Variants in VWA8 observed in about 807,000 individuals in gnomAD.
The protein encoded by VWA8 is von Willebrand factor A domain-containing protein 8.
A neutral mutation model predicts 241.5 loss-of-function variants in VWA8; 221 were observed. The ratio of observed to expected loss-of-function variants is 0.91; its 90% confidence interval spans 0.82 to 1.02. VWA8 has a LOEUF of 1.02. Among genes scored for constraint, VWA8 ranks in the 50% least tolerant of loss-of-function variants. The pLI is 0.00. For missense variants in VWA8, 2,322 were observed against 2,328.7 expected (o/e 1.00, Z 0.06); for synonymous variants, 852 against 827.1 (o/e 1.03, Z -0.52).
chr13:41,693,162 GCTT>G (rs776414137), intron 29 of VWA8, among the ~76,000 whole-genome samples, 190 bp from the exon 30 acceptor site: 19 of 151,832 alleles, frequency 1.3e-4, no homozygotes, highest in Non-Finnish European at 2.7e-4. Flanking sequence ...AGAATTAAGT[GCTT>G]CTTAATTTAA....
intron 26 of VWA8, among the ~76,000 whole-genome samples, chr13:41,705,810 T>A (rs941288685): frequency 6.6e-6 from 1 of 152,164 alleles, no homozygotes; most frequent in Admixed American, 6.5e-5. Context: ...CTGGTAAGTT[T>A]TATAGTCTTG....
At chr13:41,952,905 T>C (rs1482309829) in intron 1 of VWA8, among the ~76,000 whole-genome samples, 1 of 152,006 alleles carries the variant, frequency 6.6e-6, no homozygotes, top group African/African-American at 2.4e-5. Flanking sequence ...GGACTAGCAA[T>C]AACAGAAAGT....
At position 41,952,309 on chromosome 13, in the gene VWA8, T is replaced by C. The variant is rs571053967; in HGVS notation, c.164-2296A>G. 3.9e-5 allele frequency among the ~76,000 whole-genome samples: 6 copies of C among 152,344 alleles called. No individual in the cohort carries two copies. In the East Asian group the frequency reaches 9.6e-4, roughly 24 times the overall value. ...AACAGGTGGTCAGCAGTGCCTCATA[T>C]AGTACAATCTTAGTTACTGCCAGGT... On this transcript the variant is annotated intron_variant, in intron 1 of 44. Transcript: ENST00000379310.
At chr13:41,861,064 A>G (rs2138042792) in intron 12 of VWA8, among the ~76,000 whole-genome samples, 1 of 152,228 alleles carries the variant, frequency 6.6e-6, no homozygotes, top group East Asian at 1.9e-4. Flanking sequence ...GACCTTCTCC[A>G]TATGATTTCA....
intron 34 of VWA8, among the ~76,000 whole-genome samples, chr13:41,687,896 T>C (rs1055539326): frequency 6.6e-6 from 1 of 152,132 alleles, no homozygotes; most frequent in Non-Finnish European, 1.5e-5. Context: ...ACAAGGTTAA[T>C]AGAAACAGTG....
At chr13:41,672,850 G>C (rs1280213657) in intron 36 of VWA8, among the ~76,000 whole-genome samples, 1 of 152,008 alleles carries the variant, frequency 6.6e-6, no homozygotes, top group Non-Finnish European at 1.5e-5. Flanking sequence ...TGGAGTAAGG[G>C]GCTATTCAAG....
At chr13:41,805,485 T>C (rs1388494491) in intron 17 of VWA8, among the ~76,000 whole-genome samples, 3 of 152,050 alleles carry the variant, frequency 2.0e-5, no homozygotes, top group African/African-American at 2.4e-5. Flanking sequence ...GACTTCAACA[T>C]TGGACAGATC....
At chr13:41,774,451 A>G (rs1405646388) in intron 20 of VWA8, among the ~76,000 whole-genome samples, 1 of 152,184 alleles carries the variant, frequency 6.6e-6, no homozygotes, top group African/African-American at 2.4e-5. Context: ...CCAGGAATTT[A>G]TTTCAGATAG....
chr13:41,803,187 C>G (rs1048452302), intron 17 of VWA8, among the ~76,000 whole-genome samples: 7 of 152,186 alleles, frequency 4.6e-5, no homozygotes, highest in African/African-American at 1.7e-4. Flanking sequence ...ACTTGGAAAT[C>G]TTTCCCAAGA....
chr13:41,621,370 G>T (rs1411712589), intron 37 of VWA8, among the ~76,000 whole-genome samples: 1 of 152,136 alleles, frequency 6.6e-6, no homozygotes, highest in East Asian at 1.9e-4. Flanking sequence ...CTTACGATGG[G>T]TTTATTGGGA....
At chr13:41,846,338 C>G (rs1020680505) in intron 12 of VWA8, among the ~76,000 whole-genome samples, 2 of 152,076 alleles carry the variant, frequency 1.3e-5, no homozygotes, top group Admixed American at 6.5e-5. Context: ...CACTCAAATC[C>G]CTGTTAGTCA....
At chr13:41,652,054 G>A (rs2044872649) in intron 37 of VWA8, among the ~76,000 whole-genome samples, 1 of 152,142 alleles carries the variant, frequency 6.6e-6, no homozygotes, top group Non-Finnish European at 1.5e-5. Context: ...GGAGGATAAG[G>A]CCAAATTGGG....
intron 25 of VWA8, 28 bp from the exon 26 acceptor site, chr13:41,719,770 T>C (rs375227081): frequency 6.3e-7 from 1 of 1,587,966 alleles, no homozygotes; most frequent in Non-Finnish European, 8.6e-7. Flanking sequence ...TCCCTTATTA[T>C]GCATGTGATA....
chr13:41,907,708 A>T lies in VWA8; in HGVS notation c.373-12T>A. On this transcript the variant is annotated splice_polypyrimidine_tract_variant and intron_variant, in intron 3 of 44. Coordinates refer to ENST00000379310, the MANE Select transcript of VWA8 (RefSeq NM_015058.2). ...CGTTTGGTCAGCTCCTGTAGAGAAG[A>T]GAATGAAATTATTCCAAAAATAAAA... The T allele has an allele frequency of 6.2e-7, 1 of 1,605,726 alleles. No individual in the cohort carries two copies. Among genetic ancestry groups the T allele is most frequent in the Admixed American group, 1.7e-5 (1 of 59,760 alleles).
intron 37 of VWA8, among the ~76,000 whole-genome samples, chr13:41,665,062 A>T (rs1365111544): frequency 1.3e-5 from 2 of 152,150 alleles, no homozygotes; most frequent in African/African-American, 4.8e-5. Context: ...TCCAAACAGG[A>T]TTATAAACAA....
At chr13:41,812,023 G>C (rs557104246) in intron 16 of VWA8, among the ~76,000 whole-genome samples, 2 of 152,042 alleles carry the variant, frequency 1.3e-5, no homozygotes, top group Non-Finnish European at 2.9e-5. Flanking sequence ...CAGATAAGTC[G>C]GTATCCTATT....
chr13:41,570,808 T>A, intron 43 of VWA8, 102 bp from the exon 44 acceptor site: 1 of 948,846 alleles, frequency 1.1e-6, no homozygotes. Flanking sequence ...ACATACCAAT[T>A]ATTACCCATG....
At chr13:41,735,129 T>C (rs1251249061) in intron 21 of VWA8, among the ~76,000 whole-genome samples, 2 of 152,142 alleles carry the variant, frequency 1.3e-5, no homozygotes. Context: ...GGAAGGGAAA[T>C]AGATGTGTTC....
chr13:41,585,582 A>G (rs2044411855), intron 42 of VWA8, among the ~76,000 whole-genome samples: 2 of 152,150 alleles, frequency 1.3e-5, no homozygotes, highest in Admixed American at 6.5e-5. Context: ...ATCTCCCTAT[A>G]GGGCCAGGTG....
Sources: gnomAD v4.1 joint callset for allele counts (sites outside exome capture counted in the v4.1 genomes callset) on GRCh38, gnomAD v4.1.1 for gene constraint, MANE v1.5 for transcripts, NCBI Gene and HGNC (gene_info 2026-07-23, HGNC 2026-07-21) for gene names.